Variants in MYT1L observed in about 807,000 individuals in gnomAD.
MYT1L encodes myelin transcription factor 1-like protein.
MYT1L carries 12 observed loss-of-function variants against 126.7 expected under a neutral mutation model. That is an observed-to-expected ratio of 0.09 (90% CI 0.06 to 0.15). The LOEUF (loss-of-function observed/expected upper bound fraction) is 0.15. Among genes scored for constraint, MYT1L ranks in the 10% least tolerant of loss-of-function variants. The probability of loss-of-function intolerance (pLI) is 1.00; values close to 1 mark genes in which losing one functional copy is unlikely to be tolerated. For missense variants in MYT1L, 979 were observed against 1,585.2 expected, an observed-to-expected ratio of 0.62 and a Z score of 6.49; for synonymous variants, 541 against 604.2, an observed-to-expected ratio of 0.90 and a Z score of 1.53.
intron 1 of MYT1L, among the ~76,000 whole-genome samples, chr2:2,316,415 T>G (rs1203749252): frequency 6.6e-6 from 1 of 152,214 alleles, no homozygotes; most frequent in Non-Finnish European, 1.5e-5. Context: ...AAAAATGCAT[T>G]CCTGCTTAAC....
chr2:2,232,831 C>G (rs988264506), intron 2 of MYT1L, among the ~76,000 whole-genome samples: 1 of 152,200 alleles, frequency 6.6e-6, no homozygotes, highest in Admixed American at 6.5e-5. Context: ...CTGCTGACTG[C>G]GCTGTGACCT....
chr2:1,796,528 T>TTCACTCTGGTCCA (rs1422520982), intron 23 of MYT1L, among the ~76,000 whole-genome samples: 2 of 152,186 alleles, frequency 1.3e-5, no homozygotes, highest in African/African-American at 4.8e-5. Flanking sequence ...CACAGGGCTG[T>TTCACTCTGGTCCA]TCACTCTGGT....
intron 24 of MYT1L, 74 bp downstream of exon 24, chr2:1,792,246 AT>A: frequency 1.4e-6 from 2 of 1,472,964 alleles, no homozygotes; most frequent in Non-Finnish European, 9.0e-7. Context: ...GAAAATAACG[AT>A]AAAAACGGCA....
intron 4 of MYT1L, among the ~76,000 whole-genome samples, chr2:2,041,061 C>A (rs751872335): frequency 6.6e-6 from 1 of 152,086 alleles, no homozygotes; most frequent in Non-Finnish European, 1.5e-5. Flanking sequence ...AATGTGTTTA[C>A]GTAAAATTGC....
At chr2:1,919,915 A>C (rs1283728923) in intron 10 of MYT1L, among the ~76,000 whole-genome samples, 1 of 152,042 alleles carries the variant, frequency 6.6e-6, no homozygotes, top group East Asian at 1.9e-4. Context: ...TTTTTAGTAG[A>C]GACAGTGTTA....
rs940781753 is a variant in MYT1L, at chr2:2,234,893, C to T, written c.-421+49511G>A. Among the ~76,000 whole-genome samples, 47 of 152,156 alleles carry T rather than the reference C, an allele frequency of 3.1e-4. 1 individual carries two copies. Among genetic ancestry groups the T allele is most frequent in the Admixed American group, 2.4e-3 (36 of 15,280 alleles). ...GTGCTCAGGCCTCACTGCACTCCCC[C>T]GATGCTCACGCCTCTGGTCATCTTT... On this transcript the variant is annotated intron_variant, in intron 2 of 24. Transcript: ENST00000647738.
intron 19 of MYT1L, among the ~76,000 whole-genome samples, chr2:1,849,941 C>G (rs1213344166): frequency 6.7e-6 from 1 of 149,652 alleles, no homozygotes; most frequent in Non-Finnish European, 1.5e-5. Flanking sequence ...GTCCCCCACT[C>G]TGACTGTTGG....
chr2:2,304,203 G>A (rs927764652), intron 1 of MYT1L, among the ~76,000 whole-genome samples: 6 of 152,198 alleles, frequency 3.9e-5, no homozygotes, highest in African/African-American at 1.4e-4. Flanking sequence ...AAATCCATAT[G>A]GTGGAACGTA....
At chr2:2,001,321 C>A (rs1228703050) in intron 4 of MYT1L, among the ~76,000 whole-genome samples, 1 of 146,534 alleles carries the variant, frequency 6.8e-6, no homozygotes, top group Non-Finnish European at 1.5e-5. Context: ...TTGACTTCCT[C>A]AATTGCACTT....
At chr2:2,233,955 G>A (rs1034155335) in intron 2 of MYT1L, among the ~76,000 whole-genome samples, 18 of 152,180 alleles carry the variant, frequency 1.2e-4, no homozygotes, top group Admixed American at 9.2e-4. Context: ...GCAGGATTGC[G>A]GGTATACCTG....
chr2:1,979,136 C>CAA lies in MYT1L; in HGVS notation c.152+28_152+29insTT. 6.3e-7 allele frequency: 1 copy of CAA among 1,587,500 alleles called. No homozygotes were observed. Among genetic ancestry groups the CAA allele is most frequent in the African/African-American group, 1.5e-5 (1 of 67,596 alleles). On this transcript the variant is annotated intron_variant, in intron 8 of 24. Coordinates refer to ENST00000647738, the MANE Select transcript of MYT1L (RefSeq NM_001303052.2). This position sits in a 1 kb window ranked among gnomAD's most constrained non-coding sequence, Gnocchi z 4.0. ...CCCAAATAAGTCACTTTAGACAGCA[C>CAA]ATTGTGGAAAAAAAAATGCAGGCAT...
At chr2:2,100,638 A>G (rs2077958039) in intron 3 of MYT1L, among the ~76,000 whole-genome samples, 1 of 152,140 alleles carries the variant, frequency 6.6e-6, no homozygotes, top group Non-Finnish European at 1.5e-5. Context: ...TTTGTTTTGT[A>G]GTGAAGTCTT....
intron 19 of MYT1L, among the ~76,000 whole-genome samples, chr2:1,850,818 G>A (rs181248779): frequency 2.6e-5 from 4 of 152,014 alleles, no homozygotes; most frequent in African/African-American, 9.7e-5. Flanking sequence ...TTCCCGTGGG[G>A]AATTTTCCAT....
intron 1 of MYT1L, among the ~76,000 whole-genome samples, chr2:2,304,696 C>T (rs2095835787): frequency 6.6e-6 from 1 of 152,188 alleles, no homozygotes; most frequent in Non-Finnish European, 1.5e-5. Context: ...AAATGAATGG[C>T]CATGGCTGCT....
intron 8 of MYT1L, among the ~76,000 whole-genome samples, chr2:1,952,823 C>A (rs2057956811): frequency 1.2e-5 from 1 of 82,838 alleles, no homozygotes; most frequent in Non-Finnish European, 2.3e-5. Flanking sequence ...CTTCCTCTCT[C>A]CCTCCCTCCT....
At chr2:1,980,038 A>C (rs1206007904) in intron 5 of MYT1L, among the ~76,000 whole-genome samples, 1 of 152,100 alleles carries the variant, frequency 6.6e-6, no homozygotes, top group Admixed American at 6.5e-5. Context: ...ATTTTGATGA[A>C]TCTTGAAGTA....
chr2:1,984,145 C>A (rs1275449190), intron 5 of MYT1L, among the ~76,000 whole-genome samples: 1 of 152,106 alleles, frequency 6.6e-6, no homozygotes, highest in African/African-American at 2.4e-5. Context: ...GTACTATGAT[C>A]TTCCTTCTCT....
At chr2:2,137,447 A>G (rs911544683) in intron 3 of MYT1L, among the ~76,000 whole-genome samples, 1 of 152,170 alleles carries the variant, frequency 6.6e-6, no homozygotes. Context: ...CTATACTACA[A>G]GGCTACAGTC....
chr2:1,911,907 TTGGGGAGCACGG>T lies in MYT1L; in HGVS notation c.1709+101_1709+112del, dbSNP rs2052052045. ...GTGCATTATATGGAGGTGCCCGCAC[TTGGGGAGCACGG>T]TGGGGAGCACCATATGGAGCGTGGT... On this transcript the variant is annotated intron_variant, in intron 12 of 24. Coordinates refer to ENST00000647738, the MANE Select transcript of MYT1L (RefSeq NM_001303052.2). 6.7e-6 allele frequency: 5 copies of T among 745,512 alleles called. 1 individual carries two copies. The highest frequency in any genetic ancestry group is 6.3e-5 in the Admixed American group (2 of 31,636). 46.2% of individuals were successfully genotyped at this position (745,512 alleles called of 1,614,324 possible).
Sources: allele counts gnomAD v4.1 joint callset (sites outside exome capture counted in the v4.1 genomes callset), GRCh38; gene constraint gnomAD v4.1.1; non-coding constraint Gnocchi (gnomAD v3.1); transcripts MANE v1.5; gene names NCBI Gene and HGNC (gene_info 2026-07-23, HGNC 2026-07-21).